Variants in DOCK10 observed in about 807,000 individuals in gnomAD.
DOCK10 encodes the protein dedicator of cytokinesis protein 10.
DOCK10 carries 145 observed loss-of-function variants against 280.1 expected under a neutral mutation model. The ratio of observed to expected loss-of-function variants is 0.52; its 90% confidence interval spans 0.45 to 0.59. The LOEUF is 0.59. DOCK10 is among the 20% of genes least tolerant of loss of function. The pLI is 0.00. For missense variants in DOCK10, 2,368 were observed against 2,651.7 expected (o/e 0.89, Z 2.35); for synonymous variants, 915 against 942.2 (o/e 0.97, Z 0.53).
rs111517601 is a variant in DOCK10, at chr2:224,834,160, T to C, written c.2954A>G (p.His985Arg). ...TCTTTAAATTCTTACCTTTAGGACA[T>C]GCTTTACTGTTGTTGAGTCATTTGA... Reference protein sequence around the residue: ...LKSNDSTTVKHVLKHSWFFFA... With the variant: ...LKSNDSTTVKRVLKHSWFFFA... Residue 985 changes from histidine (H) to arginine (R), a missense_variant, in exon 26 of 56, where the codon CAT (histidine) becomes CGT (arginine). Around this residue, in one of 2 missense-constraint regions of DOCK10, gnomAD observed 1,209 missense variants for 1,250.9 expected, o/e 0.97. Transcript: ENST00000258390. 6.2e-7 allele frequency: 1 copy of C among 1,605,044 alleles called. No individual in the cohort carries two copies. The highest frequency in any genetic ancestry group is 8.5e-7 in the Non-Finnish European group (1 of 1,171,774).
At chr2:224,946,806 A>C (rs755056963) in intron 1 of DOCK10, 7 of 1,438,276 alleles carry the variant, frequency 4.9e-6, no homozygotes, top group Non-Finnish European at 6.6e-6. Context: ...AAAGGATTGA[A>C]GGAAAGATGG....
intron 31 of DOCK10, 119 bp from the exon 32 acceptor site, chr2:224,808,205 T>C: frequency 1.1e-6 from 1 of 893,046 alleles, no homozygotes; most frequent in Non-Finnish European, 1.7e-6. Context: ...GATTCAGGAA[T>C]ACAGTCTTGC....
intron 1 of DOCK10, among the ~76,000 whole-genome samples, chr2:224,938,000 T>G (rs926626780): frequency 3.3e-5 from 5 of 152,192 alleles, no homozygotes; most frequent in South Asian, 2.1e-4. Flanking sequence ...CCCTCGTGAC[T>G]GAGGACCGCA....
At chr2:224,821,820 T>C (rs967537706) in intron 28 of DOCK10, among the ~76,000 whole-genome samples, 11 of 152,216 alleles carry the variant, frequency 7.2e-5, no homozygotes, top group African/African-American at 1.9e-4. Flanking sequence ...GGTCTTAAAA[T>C]GTGGTAGAAA....
intron 1 of DOCK10, among the ~76,000 whole-genome samples, chr2:224,951,160 T>C (rs745935953): frequency 1.3e-5 from 2 of 152,368 alleles, no homozygotes; most frequent in African/African-American, 2.4e-5. Context: ...CTAACTTTTA[T>C]ATGTAAGAAT....
At chr2:224,839,905 G>A (rs1350008262) in intron 24 of DOCK10, 49 bp downstream of exon 24, 1 of 775,134 alleles carries the variant, frequency 1.3e-6, no homozygotes, top group South Asian at 2.1e-5. Context: ...AAGAGTTTAT[G>A]TAACTACACA....
At chr2:224,868,372 T>C (rs1484506511) in intron 11 of DOCK10, among the ~76,000 whole-genome samples, 2 of 152,206 alleles carry the variant, frequency 1.3e-5, no homozygotes, top group Non-Finnish European at 1.5e-5. Flanking sequence ...CATGCACATA[T>C]ATGTAGTTAC....
chr2:224,961,468 T>TTCTTTTTC (rs10672849), intron 1 of DOCK10, among the ~76,000 whole-genome samples: 6 of 66,620 alleles, frequency 9.0e-5, no homozygotes, highest in African/African-American at 4.3e-4. Flanking sequence ...CTTTCTTTCT[T>TTCTTTTTC]TTTCTTTCTT....
At chr2:225,038,862 A>T (rs1468358416) in intron 1 of DOCK10, among the ~76,000 whole-genome samples, 1 of 152,124 alleles carries the variant, frequency 6.6e-6, no homozygotes, top group African/African-American at 2.4e-5. Flanking sequence ...CCTTCTGGTT[A>T]TCTGAAGCCT....
chr2:224,766,342 C>T (rs1400384336), intron 55 of DOCK10, among the ~76,000 whole-genome samples: 7 of 152,142 alleles, frequency 4.6e-5, no homozygotes, highest in Non-Finnish European at 8.8e-5. Flanking sequence ...AAACTCCAGA[C>T]ACTTTTAAAA....
In DOCK10 at chr2:224,770,533, C is replaced by T. The variant is rs554496052; in HGVS notation, c.6305+12G>A. 73 of 1,608,190 alleles carry T rather than the reference C, an allele frequency of 4.5e-5. No homozygotes were observed. In the East Asian group the frequency reaches 4.9e-4, roughly 11 times the overall value. On this transcript the variant is annotated intron_variant, in intron 54 of 55. Coordinates refer to ENST00000258390, the MANE Select transcript of DOCK10 (RefSeq NM_014689.3). The surrounding 1 kb of genome is among the most constrained non-coding windows in gnomAD (Gnocchi z 4.5). ...AGTTCAAGGAAGAACATCCCAACAG[C>T]GAGAAGCTTACCTGAAGATCTCCTT...
intron 1 of DOCK10, among the ~76,000 whole-genome samples, chr2:224,957,761 A>G (rs1191443094): frequency 1.3e-5 from 2 of 152,160 alleles, no homozygotes; most frequent in Non-Finnish European, 2.9e-5. Context: ...TCAAAACACC[A>G]CTATTCAAAT....
At chr2:224,992,314 G>A (rs916656754) in intron 1 of DOCK10, among the ~76,000 whole-genome samples, 5 of 152,084 alleles carry the variant, frequency 3.3e-5, no homozygotes, top group East Asian at 1.9e-4. Context: ...CAATAATCAC[G>A]AATTGCTTTC....
At chr2:224,872,819 G>C (rs1698372464) in intron 11 of DOCK10, among the ~76,000 whole-genome samples, 1 of 152,030 alleles carries the variant, frequency 6.6e-6, no homozygotes, top group African/African-American at 2.4e-5. Flanking sequence ...AGGGATGATG[G>C]ATTAGAAATT....
chr2:224,810,591 G>A (rs942403531), intron 31 of DOCK10, among the ~76,000 whole-genome samples: 4 of 149,686 alleles, frequency 2.7e-5, no homozygotes, highest in South Asian at 2.1e-4. Context: ...CCATTAACTC[G>A]TCATTTAGCA....
At chr2:224,951,467 C>A (rs909613252) in intron 1 of DOCK10, among the ~76,000 whole-genome samples, 3 of 152,124 alleles carry the variant, frequency 2.0e-5, no homozygotes, top group Non-Finnish European at 4.4e-5. Flanking sequence ...GTAAGTTTGC[C>A]ATTTTCAGTA....
chr2:224,982,822 A>G (rs1705817588), intron 1 of DOCK10, among the ~76,000 whole-genome samples: 1 of 151,928 alleles, frequency 6.6e-6, no homozygotes, highest in Non-Finnish European at 1.5e-5. Context: ...AAACGTAAAC[A>G]CTTCCTGAAG....
intron 11 of DOCK10, among the ~76,000 whole-genome samples, chr2:224,867,218 T>C (rs745706037): frequency 1.3e-5 from 2 of 152,242 alleles, no homozygotes; most frequent in Non-Finnish European, 2.9e-5. Flanking sequence ...AGCCTTTCCA[T>C]TTTTAATATT....
At chr2:224,778,462 C>G in intron 50 of DOCK10, 178 bp from the exon 51 acceptor site, 1 of 682,332 alleles carries the variant, frequency 1.5e-6, no homozygotes, top group South Asian at 1.6e-5. Context: ...AATAAAGTAT[C>G]ATCTTATAAT....
Sources: gnomAD v4.1 joint callset for allele counts (sites outside exome capture counted in the v4.1 genomes callset) on GRCh38, gnomAD v4.1.1 for gene constraint, gnomAD v4.1.1 regional missense constraint, Gnocchi (gnomAD v3.1) non-coding constraint, MANE v1.5 for transcripts, NCBI Gene and HGNC (gene_info 2026-07-23, HGNC 2026-07-21) for gene names.